The following MOB3B variants were observed in gnomAD, a reference collection of about 807,000 sequenced individuals.
The protein encoded by MOB3B is MOB kinase activator-like 2B.
MOB3B carries 7 observed loss-of-function variants against 18.7 expected under a neutral mutation model. The ratio of observed to expected loss-of-function variants is 0.37; its 90% CI spans 0.21 to 0.70. The LOEUF (loss-of-function observed/expected upper bound fraction) is 0.70. MOB3B is among the 30% of genes least tolerant of loss of function. The pLI is 0.52. For synonymous variants in MOB3B, 111 were observed against 99.9 expected (o/e 1.11, Z -0.66); for missense variants, 253 against 281.3 (o/e 0.90, Z 0.72).
Position 27,328,529 on chromosome 9 carries a change from C to A in MOB3B, c.*2058G>T, listed in dbSNP as rs1262730168. On this transcript the variant is annotated 3_prime_UTR_variant, in exon 4 of 4. Transcript: ENST00000262244. ...AAATTGAGTGGAAATTTCATATGCA[C>A]AGTTAATAAAAAATAACCTTAAAAA... The A allele has an allele frequency of 6.6e-6, 1 of 152,082 alleles. No individual in the cohort carries two copies. The highest frequency in any genetic ancestry group is 1.5e-5 in the Non-Finnish European group (1 of 68,020). 9.4% of individuals were successfully genotyped at this position (152,082 alleles called of 1,614,324 possible).
intron 2 of MOB3B, among the ~76,000 whole-genome samples, chr9:27,368,189 A>G (rs1193193597): frequency 1.3e-5 from 2 of 152,104 alleles, no homozygotes; most frequent in Middle Eastern, 3.2e-3. Context: ...AGGCAAAAAC[A>G]AAACAAAACA....
At chr9:27,384,810 C>T (rs1354791537) in intron 2 of MOB3B, among the ~76,000 whole-genome samples, 1 of 152,196 alleles carries the variant, frequency 6.6e-6, no homozygotes, top group Non-Finnish European at 1.5e-5. Flanking sequence ...GCATCAGGAA[C>T]TGAGACGGGT....
chr9:27,431,896 C>T (rs1038283264), intron 2 of MOB3B, among the ~76,000 whole-genome samples: 1 of 152,208 alleles, frequency 6.6e-6, no homozygotes, highest in Admixed American at 6.5e-5. Flanking sequence ...ATAAACACAA[C>T]TCTGTGTAGC....
rs1215884319 is a variant in MOB3B, at chr9:27,384,573, CATTCTTCCAGAACA to C, written c.419-25351_419-25338del. Among the ~76,000 whole-genome samples the C allele has an allele frequency of 4.6e-5, 7 of 152,242 alleles. No individual in the cohort carries two copies. In the East Asian group the frequency reaches 7.7e-4, roughly 17 times the overall value. On this transcript the variant is annotated intron_variant, in intron 2 of 3. Transcript: ENST00000262244. ...CCAGAATTCATTCTTCCACAGAACT[CATTCTTCCAGAACA>C]ATTCTTCCAGAACAATTCCAGCAGA... is the stretch of plus-strand genomic sequence containing the variant.
chr9:27,500,126 T>C (rs1028014439), intron 1 of MOB3B, among the ~76,000 whole-genome samples: 3 of 152,094 alleles, frequency 2.0e-5, no homozygotes, highest in Admixed American at 6.6e-5. Flanking sequence ...AAAGTGTGTA[T>C]AGCAGAAACC....
In MOB3B at chr9:27,374,097, T is replaced by G. The variant is rs571010334; in HGVS notation, c.419-14861A>C. On this transcript the variant is annotated intron_variant, in intron 2 of 3. Transcript: ENST00000262244. ...TTCTGTACTTTGCTTTTTCTGTTGA[T>G]AAATGTTATCCAACCAAACAGCAGC... is the stretch of plus-strand genomic sequence containing the variant. Among the ~76,000 whole-genome samples the G allele has an allele frequency of 9.2e-5, 14 of 152,386 alleles. No individual in the cohort carries two copies. The South Asian group carries it at 2.7e-3, about 29-fold the overall frequency.
chr9:27,408,359 T>C (rs144099757), intron 2 of MOB3B, among the ~76,000 whole-genome samples: 32 of 152,276 alleles, frequency 2.1e-4, no homozygotes, highest in African/African-American at 7.5e-4. Context: ...CATCCATTCA[T>C]TAGACTTAAT....
intron 2 of MOB3B, among the ~76,000 whole-genome samples, chr9:27,451,683 T>A (rs1209846332): frequency 1.3e-5 from 2 of 152,174 alleles, no homozygotes; most frequent in Non-Finnish European, 2.9e-5. Flanking sequence ...ATATGCCCAG[T>A]ATTCAAAGCT....
chr9:27,429,380 G>C (rs1412579962), intron 2 of MOB3B, among the ~76,000 whole-genome samples: 2 of 152,090 alleles, frequency 1.3e-5, no homozygotes. Context: ...AGCAATAATA[G>C]TGTCTCACAC....
intron 1 of MOB3B, among the ~76,000 whole-genome samples, chr9:27,460,692 G>A (rs1419100574): frequency 6.6e-6 from 1 of 152,148 alleles, no homozygotes; most frequent in African/African-American, 2.4e-5. Context: ...CTGTGAGGTG[G>A]AGGACTCCTC....
intron 2 of MOB3B, among the ~76,000 whole-genome samples, chr9:27,448,986 C>CGT (rs1236693197): frequency 6.6e-6 from 1 of 152,214 alleles, no homozygotes; most frequent in Non-Finnish European, 1.5e-5. Flanking sequence ...AATTCTCCTG[C>CGT]TAACCCATTC....
intron 2 of MOB3B, among the ~76,000 whole-genome samples, chr9:27,377,565 G>A (rs867153409): frequency 6.6e-6 from 1 of 152,186 alleles, no homozygotes; most frequent in African/African-American, 2.4e-5. Context: ...ACAGACTGCT[G>A]AGCTGCACCC....
intron 3 of MOB3B, among the ~76,000 whole-genome samples, chr9:27,344,049 G>A (rs1764473002): frequency 6.6e-6 from 1 of 151,678 alleles, no homozygotes; most frequent in South Asian, 2.1e-4. Flanking sequence ...CTTAAAAATA[G>A]TTAAGACACT....
intron 1 of MOB3B, among the ~76,000 whole-genome samples, chr9:27,515,368 T>A (rs1196754576): frequency 6.6e-6 from 1 of 152,122 alleles, no homozygotes; most frequent in Non-Finnish European, 1.5e-5. Flanking sequence ...AAAAAGACAA[T>A]GTGGCCTCAG....
chr9:27,498,778 A>G (rs2131493054), intron 1 of MOB3B, among the ~76,000 whole-genome samples: 1 of 152,256 alleles, frequency 6.6e-6, no homozygotes, highest in Non-Finnish European at 1.5e-5. Flanking sequence ...ATGTAGAGAT[A>G]AAGACCTGAC....
At chr9:27,408,687 T>C (rs1822021850) in intron 2 of MOB3B, among the ~76,000 whole-genome samples, 1 of 152,174 alleles carries the variant, frequency 6.6e-6, no homozygotes, top group African/African-American at 2.4e-5. Context: ...GTCCTGGTGG[T>C]TGGGCTGATG....
chr9:27,493,534 G>A (rs542672024), intron 1 of MOB3B, among the ~76,000 whole-genome samples: 56 of 152,158 alleles, frequency 3.7e-4, no homozygotes, highest in South Asian at 2.1e-3. Context: ...CCAGCTACTC[G>A]GGAGGCTGAG....
At chr9:27,528,844 C>A (rs909934632) in intron 1 of MOB3B, among the ~76,000 whole-genome samples, 4 of 152,142 alleles carry the variant, frequency 2.6e-5, no homozygotes, top group African/African-American at 7.2e-5. Context: ...CGGCGCTTTA[C>A]CCTCCCAGCA....
At chr9:27,339,527 C>T (rs969112654) in intron 3 of MOB3B, among the ~76,000 whole-genome samples, 5 of 152,244 alleles carry the variant, frequency 3.3e-5, no homozygotes, top group Non-Finnish European at 7.3e-5. Context: ...TCATTTCCTG[C>T]ACCTTTTCTG....
Sources: allele counts gnomAD v4.1 joint callset (sites outside exome capture counted in the v4.1 genomes callset), GRCh38; gene constraint gnomAD v4.1.1; transcripts MANE v1.5; gene names NCBI Gene and HGNC (gene_info 2026-07-23, HGNC 2026-07-21).